RAD51B: variants seen among roughly 807,000 people sequenced by gnomAD.
RAD51B encodes the protein RAD51 paralog B, also known as DNA repair protein RAD51 homolog 2.
In RAD51B, 38 loss-of-function variants were observed where a neutral mutation model predicts 42.2. The ratio of observed to expected loss-of-function variants is 0.90; its 90% CI spans 0.70 to 1.18. The LOEUF (loss-of-function observed/expected upper bound fraction) is 1.18. Among genes scored for constraint, RAD51B ranks in the 50% most tolerant of loss-of-function variants. RAD51B has a pLI of 0.00. For synonymous variants in RAD51B, 154 were observed against 145.2 expected, an observed-to-expected ratio of 1.06 and a Z score of -0.43; for missense variants, 373 against 400.7, an observed-to-expected ratio of 0.93 and a Z score of 0.59.
chr14:68,444,606 C>G (rs1458134479), intron 9 of RAD51B, among the ~76,000 whole-genome samples: 1 of 152,202 alleles, frequency 6.6e-6, no homozygotes, highest in Non-Finnish European at 1.5e-5. Context: ...AGGGCTGCAC[C>G]TACCCTGGGA....
intron 9 of RAD51B, among the ~76,000 whole-genome samples, chr14:68,420,472 A>G (rs2084670921): frequency 1.3e-5 from 2 of 152,138 alleles, no homozygotes; most frequent in Admixed American, 6.5e-5. Flanking sequence ...GAAGTGGATT[A>G]TTCATGAGTT....
At chr14:68,389,317 A>G in intron 8 of RAD51B, among the ~76,000 whole-genome samples, 1 of 151,712 alleles carries the variant, frequency 6.6e-6, no homozygotes, top group Admixed American at 6.6e-5. Flanking sequence ...ACTAACTACT[A>G]TCTGGACTTC....
At chr14:68,035,028 T>G (rs1245438520) in intron 7 of RAD51B, among the ~76,000 whole-genome samples, 2 of 152,206 alleles carry the variant, frequency 1.3e-5, no homozygotes, top group African/African-American at 4.8e-5. Context: ...ATCTTCCTGG[T>G]TACAGTATAA....
chr14:67,845,976 C>G (rs1167850037), intron 4 of RAD51B, among the ~76,000 whole-genome samples: 1 of 152,168 alleles, frequency 6.6e-6, no homozygotes, highest in Non-Finnish European at 1.5e-5. Context: ...CAGCTTTGTT[C>G]TCTGGGCCCT....
Position 68,565,720 on chromosome 14 carries a change from A to T in RAD51B, c.1037-28765A>T, listed in dbSNP as rs1304850947. ...TATTGATTACATTTTGAACAGACTG[A>T]CACTTGCTTTCACCCTAATGTATTT... On this transcript the variant is annotated intron_variant, in intron 10 of 10. Coordinates refer to the RAD51B transcript ENST00000487270. This position sits in a 1 kb window ranked among gnomAD's most constrained non-coding sequence, Gnocchi z 4.1. Among the ~76,000 whole-genome samples the T allele has an allele frequency of 6.6e-6, 1 of 152,224 alleles. No homozygotes were observed. The highest frequency in any genetic ancestry group is 1.5e-5 in the Non-Finnish European group (1 of 68,040).
Position 68,258,431 on chromosome 14 carries a change from A to ACACT in RAD51B, c.757-33452_757-33451insACTC, listed in dbSNP as rs1555382630. Among the ~76,000 whole-genome samples, 820 of 149,102 alleles carry ACACT rather than the reference A, an allele frequency of 5.5e-3. 5 individuals are homozygous for ACACT. The highest frequency in any genetic ancestry group is 0.018 in the African/African-American group (720 of 40,438). On this transcript the variant is annotated intron_variant, in intron 7 of 10. Transcript: ENST00000471583. ...ACCACACACACACACACACACACACACTCTCTCTCTCTCACACACACACAC... is the reference window on the plus strand; with the variant it reads ...ACCACACACACACACACACACACACACACTCTCTCTCTCTCTCACACACACACAC...
intron 10 of RAD51B, among the ~76,000 whole-genome samples, chr14:68,569,442 C>G (rs769672879): frequency 1.3e-5 from 2 of 152,206 alleles, no homozygotes; most frequent in Non-Finnish European, 2.9e-5. Flanking sequence ...GCTCTTTCTC[C>G]CCTTGGATGC....
chr14:67,848,441 T>C (rs1455812591), intron 4 of RAD51B, among the ~76,000 whole-genome samples: 2 of 152,214 alleles, frequency 1.3e-5, no homozygotes, highest in Non-Finnish European at 2.9e-5. Context: ...CTGCTAGCTC[T>C]TTCTTCATCC....
intron 8 of RAD51B, among the ~76,000 whole-genome samples, chr14:68,375,163 A>G (rs1188280703): frequency 6.6e-6 from 1 of 152,082 alleles, no homozygotes; most frequent in African/African-American, 2.4e-5. Flanking sequence ...TAATCTTAAG[A>G]AATAGCACTT....
At chr14:68,272,667 T>TATATATATA (rs58531356) in intron 7 of RAD51B, among the ~76,000 whole-genome samples, 18 of 4,786 alleles carry the variant, frequency 3.8e-3, no homozygotes, top group South Asian at 0.011. Context: ...ATATATATAT[T>TATATATATA]TTTTTTTTTT....
At chr14:68,284,801 C>T (rs2081382419) in intron 7 of RAD51B, among the ~76,000 whole-genome samples, 1 of 151,654 alleles carries the variant, frequency 6.6e-6, no homozygotes, top group Non-Finnish European at 1.5e-5. Flanking sequence ...TTTTCCAGAG[C>T]ATGGCAAAAC....
At chr14:68,503,526 G>A (rs183024470) in intron 10 of RAD51B, among the ~76,000 whole-genome samples, 2 of 152,212 alleles carry the variant, frequency 1.3e-5, no homozygotes, top group East Asian at 3.9e-4. Context: ...CCTTACCCTG[G>A]GAGATGAATG....
intron 10 of RAD51B, among the ~76,000 whole-genome samples, chr14:68,519,034 C>T (rs1886380522): frequency 6.6e-6 from 1 of 152,150 alleles, no homozygotes; most frequent in African/African-American, 2.4e-5. Flanking sequence ...GAACTGATTG[C>T]ACAAACCTTT....
intron 7 of RAD51B, among the ~76,000 whole-genome samples, chr14:68,276,735 T>C (rs2081232915): frequency 6.6e-6 from 1 of 152,158 alleles, no homozygotes; most frequent in Non-Finnish European, 1.5e-5. Flanking sequence ...AATTGGTATG[T>C]CAGCAGGGGC....
intron 7 of RAD51B, among the ~76,000 whole-genome samples, chr14:68,094,200 A>G (rs1052900718): frequency 2.0e-5 from 3 of 152,216 alleles, no homozygotes. Flanking sequence ...TTGGTCAAAC[A>G]TATCACTTTT....
At chr14:68,584,857 C>G (rs1162174272) in intron 10 of RAD51B, among the ~76,000 whole-genome samples, 1 of 152,148 alleles carries the variant, frequency 6.6e-6, no homozygotes, top group Non-Finnish European at 1.5e-5. Context: ...TAAAGACTAC[C>G]TAGTCCCATC....
chr14:68,573,252 G>A lies in RAD51B; in HGVS notation c.1037-21233G>A, dbSNP rs568936437. On this transcript the variant is annotated intron_variant, in intron 10 of 10. Transcript: ENST00000487270. Reference sequence around the variant, plus strand: ...AGGCTCATGTGGCCCACAGGCCCACGTGGTCGAGCCCTGCTCCTTCTCTAC... The same window carrying A: ...AGGCTCATGTGGCCCACAGGCCCACATGGTCGAGCCCTGCTCCTTCTCTAC... Among the ~76,000 whole-genome samples the A allele has an allele frequency of 3.3e-4, 50 of 152,196 alleles. No individual in the cohort carries two copies. The Middle Eastern group carries it at 0.024, about 72-fold the overall frequency.
intron 7 of RAD51B, among the ~76,000 whole-genome samples, chr14:68,111,949 G>C (rs1455935021): frequency 6.6e-6 from 1 of 152,000 alleles, no homozygotes; most frequent in Admixed American, 6.6e-5. Context: ...CTCGTTGTTT[G>C]GCCATGTGTT....
intron 7 of RAD51B, among the ~76,000 whole-genome samples, chr14:68,162,945 C>T (rs1041811522): frequency 3.9e-5 from 6 of 152,128 alleles, no homozygotes; most frequent in South Asian, 2.1e-4. Flanking sequence ...CAGAAGAATG[C>T]GTTAAATGTA....
Sources: gnomAD v4.1 joint callset for allele counts (sites outside exome capture counted in the v4.1 genomes callset) on GRCh38, gnomAD v4.1.1 for gene constraint, Gnocchi (gnomAD v3.1) non-coding constraint, MANE v1.5 for transcripts, NCBI Gene and HGNC (gene_info 2026-07-23, HGNC 2026-07-21) for gene names.